PCDH15: variants seen among roughly 807,000 people sequenced by gnomAD.
The protein encoded by PCDH15 is protocadherin related 15, also known as protocadherin-15.
A neutral mutation model predicts 178.5 loss-of-function variants in PCDH15; 129 were observed. That is an observed-to-expected ratio of 0.72 (90% confidence interval 0.63 to 0.84). PCDH15 has a LOEUF of 0.84. Ranked by LOEUF, PCDH15 falls within the 40% of genes least tolerant of loss-of-function variation. The pLI, the probability that PCDH15 is intolerant of heterozygous loss-of-function variation, is 0.00. For missense variants in PCDH15, 2,230 were observed against 2,099.9 expected (o/e 1.06, Z -1.21); for synonymous variants, 800 against 732.0 (o/e 1.09, Z -1.50).
chr10:54,075,779 G>T (rs1448525776), intron 17 of PCDH15, among the ~76,000 whole-genome samples: 1 of 151,882 alleles, frequency 6.6e-6, no homozygotes, highest in Non-Finnish European at 1.5e-5. Flanking sequence ...GTTTATTTTT[G>T]GATTTTCTAT....
chr10:54,464,322 GT>G (rs1212712702), intron 3 of PCDH15, among the ~76,000 whole-genome samples: 17 of 151,978 alleles, frequency 1.1e-4, no homozygotes, highest in Non-Finnish European at 4.4e-5. Flanking sequence ...ATAGAATTAA[GT>G]TTTCAAAAAG....
At chr10:55,092,965 A>T (rs929140377) in intron 2 of PCDH15, among the ~76,000 whole-genome samples, 19 of 152,056 alleles carry the variant, frequency 1.2e-4, no homozygotes, top group Non-Finnish European at 1.8e-4. Context: ...AAACTAAAAC[A>T]AAAACAAAGC....
intron 8 of PCDH15, among the ~76,000 whole-genome samples, chr10:54,260,271 C>A (rs186721444): frequency 6.4e-4 from 97 of 152,018 alleles, no homozygotes; most frequent in African/African-American, 2.2e-3. Context: ...TTTAAAAAGT[C>A]CATTAACTTT....
At position 53,803,910 on chromosome 10, in the gene PCDH15, A is replaced by C. The variant is rs776387398; in HGVS notation, c.*2669T>G. 6.6e-6 allele frequency: 1 copy of C among 151,884 alleles called. No homozygotes were observed. The highest frequency in any genetic ancestry group is 2.4e-5 in the African/African-American group (1 of 41,394). The allele number at this position is 151,884 out of a possible 1,614,324, so 9.4% of individuals were successfully genotyped here. On this transcript the variant is annotated 3_prime_UTR_variant, in exon 38 of 38. Coordinates refer to ENST00000644397, the MANE Select transcript of PCDH15 (RefSeq NM_001384140.1). Reference sequence around the variant, plus strand: ...CCTACACCTTCCTAGGAAAAATAACAACCAATTTCTTTATAAATATTTACA... The same window carrying C: ...CCTACACCTTCCTAGGAAAAATAACCACCAATTTCTTTATAAATATTTACA...
chr10:54,090,300 T>C (rs1307560117), intron 15 of PCDH15, among the ~76,000 whole-genome samples: 3 of 152,210 alleles, frequency 2.0e-5, no homozygotes, highest in South Asian at 4.1e-4. Flanking sequence ...TTTACTTATT[T>C]AATTAACTTA....
chr10:54,453,160 T>C (rs2226126), intron 3 of PCDH15, among the ~76,000 whole-genome samples: 69,031 of 151,830 alleles, frequency 0.45, 17,171 homozygotes, highest in Middle Eastern at 0.6. Context: ...ACTGGGTATA[T>C]ACCCAAAGGA....
intron 21 of PCDH15, among the ~76,000 whole-genome samples, chr10:53,992,803 G>A (rs1327326922): frequency 6.6e-6 from 1 of 152,088 alleles, no homozygotes; most frequent in Non-Finnish European, 1.5e-5. Flanking sequence ...ACGAAAGCAC[G>A]GTAGAAAAAA....
At chr10:54,375,745 G>T (rs1264045046) in intron 4 of PCDH15, among the ~76,000 whole-genome samples, 2 of 146,440 alleles carry the variant, frequency 1.4e-5, no homozygotes, top group Admixed American at 6.9e-5. Flanking sequence ...CAAATTGTTG[G>T]TTCTATTTTG....
chr10:54,170,001 C>T (rs1365706255), intron 13 of PCDH15, among the ~76,000 whole-genome samples: 2 of 150,342 alleles, frequency 1.3e-5, no homozygotes, highest in Non-Finnish European at 3.0e-5. Flanking sequence ...TGTTCTAGAT[C>T]TCAAACATGC....
At chr10:55,141,854 G>A (rs542251479) in intron 2 of PCDH15, among the ~76,000 whole-genome samples, 2 of 32,410 alleles carry the variant, frequency 6.2e-5, no homozygotes, top group South Asian at 4.3e-3. Flanking sequence ...AAAGCAAAAG[G>A]TTTATTATTT....
At position 54,197,733 on chromosome 10, in the gene PCDH15, A is replaced by G. The variant is rs374458489; in HGVS notation, c.1099-1844T>C. On this transcript the variant is annotated intron_variant, in intron 10 of 37. Transcript: ENST00000644397. ...CTGTTAAAAAGGTAGGTAACAAACT[A>G]CAGTGATATTGGTAGGGATTGCTGA... is the stretch of plus-strand genomic sequence containing the variant. 2.6e-4 allele frequency among the ~76,000 whole-genome samples: 39 copies of G among 152,306 alleles called. No individual in the cohort carries two copies. The East Asian group carries it at 5.2e-3, about 20-fold the overall frequency.
At chr10:55,392,339 T>C (rs550372034) in intron 2 of PCDH15, among the ~76,000 whole-genome samples, 6 of 152,298 alleles carry the variant, frequency 3.9e-5, no homozygotes, top group African/African-American at 1.4e-4. Flanking sequence ...AGTTGCAAAG[T>C]GCAATAAAAC....
At chr10:53,895,978 T>G (rs1023312400) in intron 26 of PCDH15, among the ~76,000 whole-genome samples, 1 of 152,200 alleles carries the variant, frequency 6.6e-6, no homozygotes, top group Non-Finnish European at 1.5e-5. Flanking sequence ...GGTATTTGGC[T>G]GAGTAATACT....
chr10:53,962,415 T>G (rs1425447846), intron 21 of PCDH15, among the ~76,000 whole-genome samples: 1 of 152,146 alleles, frequency 6.6e-6, no homozygotes, highest in Non-Finnish European at 1.5e-5. Context: ...GGAATGGACA[T>G]GAAAGCTAAA....
intron 1 of PCDH15, among the ~76,000 whole-genome samples, chr10:54,780,194 T>G (rs2133392872): frequency 6.6e-6 from 1 of 152,266 alleles, no homozygotes; most frequent in East Asian, 1.9e-4. Context: ...TCATCACTTT[T>G]GAGCAAGCCA....
chr10:54,608,186 G>A (rs914520122), intron 2 of PCDH15, among the ~76,000 whole-genome samples: 1 of 151,852 alleles, frequency 6.6e-6, no homozygotes, highest in Non-Finnish European at 1.5e-5. Context: ...TAAAAGGAGA[G>A]GCCAGGTGTG....
intron 2 of PCDH15, among the ~76,000 whole-genome samples, chr10:54,659,765 A>AT (rs1353551773): frequency 1.5e-4 from 20 of 130,856 alleles, no homozygotes; most frequent in South Asian, 2.5e-4. Context: ...AAAAAAAAAA[A>AT]AAATACATAT....
At chr10:54,878,078 T>C (rs956589823) in intron 3 of PCDH15, among the ~76,000 whole-genome samples, 2 of 150,888 alleles carry the variant, frequency 1.3e-5, no homozygotes, top group African/African-American at 4.9e-5. Context: ...TCCTCCTTCC[T>C]CAGTCCCCCT....
At chr10:54,623,159 T>G (rs2093441511) in intron 2 of PCDH15, among the ~76,000 whole-genome samples, 1 of 152,038 alleles carries the variant, frequency 6.6e-6, no homozygotes, top group African/African-American at 2.4e-5. Context: ...TGCGCTGACT[T>G]CTTGCCCTGA....
Sources: allele counts gnomAD v4.1 joint callset (sites outside exome capture counted in the v4.1 genomes callset), GRCh38; gene constraint gnomAD v4.1.1; transcripts MANE v1.5; gene names NCBI Gene and HGNC (gene_info 2026-07-23, HGNC 2026-07-21).